Variants in ZNF726 observed in about 807,000 individuals in gnomAD.
ZNF726 encodes zinc finger protein 726.
Under a neutral mutation model 11.6 loss-of-function variants are expected in ZNF726, and 15 were observed. That is an observed-to-expected ratio of 1.29 (90% CI 0.86 to 1.99). The LOEUF is 1.99. Ranked by LOEUF, ZNF726 falls within the 30% of genes most tolerant of loss-of-function variation. ZNF726 has a pLI of 0.00. For missense variants in ZNF726, 890 were observed against 725.6 expected, an observed-to-expected ratio of 1.23 and a Z score of -2.60; for synonymous variants, 295 against 243.6, an observed-to-expected ratio of 1.21 and a Z score of -1.96.
rs1445996514 is a variant in ZNF726 at position 23,932,638 on chromosome 19, A to C, written c.522A>C (p.Lys174Asn). 6.4e-7 allele frequency: 1 copy of C among 1,560,086 alleles called. No individual in the cohort carries two copies. Among genetic ancestry groups the C allele is most frequent in the Non-Finnish European group, 8.7e-7 (1 of 1,154,964 alleles). ...KIRHTRKKPF[K>N]CKNCVKSFCM... ...GACATACTAGAAAGAAACCTTTCAA[A>C]TGTAAAAATTGTGTCAAATCATTTT... The change falls in exon 4 of 4, where the codon AAA becomes AAC. Residue 174 changes from lysine (K) to asparagine (N), a missense_variant. Lys to Asn is a moderately conservative substitution (Grantham distance 94). Coordinates refer to ENST00000594466, the MANE Select transcript of ZNF726 (RefSeq NM_001244038.2).
chr19:23,943,084 G>A (rs567989283), intron 3 of ZNF726, among the ~76,000 whole-genome samples: 2 of 152,190 alleles, frequency 1.3e-5, no homozygotes, highest in East Asian at 3.9e-4. Flanking sequence ...GCAGTGGCTT[G>A]ATCTTGGCTC....
rs747950344 is a variant in ZNF726 at position 23,932,940 on chromosome 19, A to G, written c.824A>G (p.His275Arg). ...AFSQSSTLTIHKRIHTGEKPC... is the reference protein window; with the variant it reads ...AFSQSSTLTIRKRIHTGEKPC... ...AGCCAATCCTCAACACTAACCATAC[A>G]TAAGAGGATACATACTGGAGAGAAA... The change falls in exon 4 of 4, where the codon CAT becomes CGT. Residue 275 changes from histidine to arginine, a missense_variant. His to Arg is a conservative substitution (Grantham distance 29). Coordinates refer to ENST00000594466, the MANE Select transcript of ZNF726 (RefSeq NM_001244038.2). The G allele has an allele frequency of 2.5e-6, 4 of 1,611,670 alleles. No homozygotes were observed. The highest frequency in any genetic ancestry group is 2.2e-5 in the South Asian group (2 of 90,926).
In ZNF726 at chr19:23,932,887, C is replaced by T. The variant is rs1337087497; in HGVS notation, c.771C>T (p.Tyr257=). The part of the protein sequence containing the change: ...HKVTHTGEKP[Y]KCEECGKAFS... ...TAACTCATACTGGAGAGAAGCCTTA[C>T]AAGTGTGAAGAATGTGGCAAAGCAT... Residue 257 remains tyrosine (Y), a synonymous_variant, in exon 4 of 4, where the codon TAC becomes TAT. Transcript: ENST00000594466. 6.2e-7 allele frequency: 1 copy of T among 1,609,690 alleles called. No homozygotes were observed. Among genetic ancestry groups the T allele is most frequent in the South Asian group, 1.1e-5 (1 of 90,784 alleles).
chr19:23,928,415 T>A (rs1475231125), intron 3 of ZNF726: 1 of 152,242 alleles, frequency 6.6e-6, no homozygotes, highest in African/African-American at 2.4e-5. Context: ...ACAATTATTA[T>A]GTTGCTATGT....
intron 3 of ZNF726, among the ~76,000 whole-genome samples, chr19:23,941,836 A>C (rs981087088): frequency 1.3e-5 from 2 of 152,058 alleles, no homozygotes; most frequent in Admixed American, 1.3e-4. Context: ...TTCATTTCTC[A>C]GTGAGGTTAT....
intron 3 of ZNF726, among the ~76,000 whole-genome samples, chr19:23,942,814 G>C (rs955541746): frequency 6.6e-6 from 1 of 152,152 alleles, no homozygotes; most frequent in East Asian, 1.9e-4. Context: ...TGCATGAAAT[G>C]CCTTTTTCCA....
chr19:23,942,332 G>T (rs1318654922), intron 3 of ZNF726, among the ~76,000 whole-genome samples: 1 of 152,058 alleles, frequency 6.6e-6, no homozygotes, highest in Non-Finnish European at 1.5e-5. Flanking sequence ...AGTGCTTGAT[G>T]TAATTTCAAT....
downstream of ZNF726, among the ~76,000 whole-genome samples, chr19:23,938,107 A>G (rs1968276807): frequency 6.6e-6 from 1 of 152,210 alleles, no homozygotes; most frequent in Non-Finnish European, 1.5e-5. Context: ...ATGGACTGAC[A>G]TCTCTAGTAA....
rs528255068 is a variant in ZNF726, at chr19:23,932,610, T to C, written c.494T>C (p.Ile165Thr). 9 of 1,541,432 alleles carry C rather than the reference T, an allele frequency of 5.8e-6. No homozygotes were observed. The highest frequency in any genetic ancestry group is 4.2e-5 in the African/African-American group (3 of 71,336). ...TTTATAAATTTAAACAGATATAAGA[T>C]AAGACATACTAGAAAGAAACCTTTC... ...YKFINLNRYK[I>T]RHTRKKPFKC... The change falls in exon 4 of 4, where the codon ATA becomes ACA. Residue 165 changes from isoleucine to threonine, a missense_variant. Ile to Thr is a moderately conservative substitution (Grantham distance 89, BLOSUM62 -1). Transcript: ENST00000594466.
intron 4 of ZNF726, chr19:23,944,054 A>G (rs1256223031): frequency 6.6e-6 from 1 of 152,270 alleles, no homozygotes; most frequent in Non-Finnish European, 1.5e-5. Flanking sequence ...TCTGTTTTTA[A>G]TATTAGCAAT....
chr19:23,937,949 G>C (rs1296079127), downstream of ZNF726, among the ~76,000 whole-genome samples: 2 of 152,214 alleles, frequency 1.3e-5, no homozygotes, highest in Non-Finnish European at 2.9e-5. Context: ...TTTAAATTAT[G>C]TGTGAACTTA....
At chr19:23,935,183 TG>T, downstream of ZNF726, 1 of 414,502 alleles carries the variant, frequency 2.4e-6, no homozygotes, top group Non-Finnish European at 4.9e-6. Flanking sequence ...AGAGACCCAG[TG>T]GGAGGTAACT....
At chr19:23,921,818 C>T (rs1026995610) in intron 3 of ZNF726, among the ~76,000 whole-genome samples, 20 of 152,044 alleles carry the variant, frequency 1.3e-4, no homozygotes, top group Admixed American at 2.0e-4. Context: ...CAAACAGTGA[C>T]GTTTTACTTA....
intron 3 of ZNF726, among the ~76,000 whole-genome samples, chr19:23,942,778 A>G (rs1359363597): frequency 6.6e-6 from 1 of 152,064 alleles, no homozygotes; most frequent in Non-Finnish European, 1.5e-5. Flanking sequence ...AAGAATAGCT[A>G]CCCCTGTTTT....
intron 3 of ZNF726, among the ~76,000 whole-genome samples, chr19:23,925,700 C>G (rs1967968156): frequency 6.8e-6 from 1 of 146,262 alleles, no homozygotes; most frequent in South Asian, 2.2e-4. Context: ...TTTGATTGTT[C>G]AGTTTTTCTT....
At position 23,915,003 on chromosome 19, in the gene ZNF726, A is replaced by C. The variant is rs530159001; in HGVS notation, c.3+6A>C. On this transcript the variant is annotated splice_donor_region_variant and intron_variant, in intron 1 of 3. Transcript: ENST00000594466. ...CCCCTGGAAGCCTAGAAATGGTGAG[A>C]GTGCCGGGTGCGACATCCCAAGAGA... 2 of 1,613,690 alleles carry C rather than the reference A, an allele frequency of 1.2e-6. No homozygotes were observed. Among genetic ancestry groups the C allele is most frequent in the South Asian group, 2.2e-5 (2 of 91,080 alleles).
At chr19:23,929,297 T>G (rs1364994761) in intron 3 of ZNF726, 2 of 152,202 alleles carry the variant, frequency 1.3e-5, no homozygotes, top group Non-Finnish European at 2.9e-5. Flanking sequence ...ATCTTGTGTA[T>G]TCGTCTGTTT....
intron 3 of ZNF726, chr19:23,928,200 C>T (rs1195119013): frequency 6.6e-6 from 1 of 152,218 alleles, no homozygotes; most frequent in Non-Finnish European, 1.5e-5. Context: ...GTGACACTCT[C>T]ACCAGAAGCA....
At chr19:23,926,416 G>C (rs560772713) in intron 3 of ZNF726, among the ~76,000 whole-genome samples, 2 of 151,934 alleles carry the variant, frequency 1.3e-5, no homozygotes, top group South Asian at 2.1e-4. Context: ...TTAGCTGAGC[G>C]TGATGGCGTG....
Sources: allele counts gnomAD v4.1 joint callset (sites outside exome capture counted in the v4.1 genomes callset), GRCh38; gene constraint gnomAD v4.1.1; transcripts MANE v1.5; gene names NCBI Gene and HGNC (gene_info 2026-07-23, HGNC 2026-07-21).